The following QTMAN variants were observed in gnomAD, a reference collection of about 807,000 sequenced individuals.
The protein encoded by QTMAN is queuosine-tRNA mannosyltransferase, also known as tRNA-queuosine alpha-mannosyltransferase.
chr2:144,221,780 TA>T, the QTMAN span, among the ~76,000 whole-genome samples: 1 of 152,226 alleles, frequency 6.6e-6, no homozygotes, highest in African/African-American at 2.4e-5. Context: ...GAAATTCATT[TA>T]AAAACTAATC....
the QTMAN span, among the ~76,000 whole-genome samples, chr2:144,265,553 C>G: frequency 1.3e-5 from 2 of 151,838 alleles, no homozygotes; most frequent in African/African-American, 4.8e-5. Context: ...AAAAATTAGC[C>G]GGGGGTGGTG....
the QTMAN span, among the ~76,000 whole-genome samples, chr2:144,012,434 T>C: frequency 6.6e-6 from 1 of 152,192 alleles, no homozygotes; most frequent in East Asian, 1.9e-4. Context: ...AGAAGTGCTC[T>C]GGGCACCTTA....
At chr2:144,194,844 G>T in the QTMAN span, among the ~76,000 whole-genome samples, 1 of 152,136 alleles carries the variant, frequency 6.6e-6, no homozygotes, top group African/African-American at 2.4e-5. Flanking sequence ...TACTCTATTA[G>T]AAGAAAGACT....
At chr2:144,162,614 A>G in the QTMAN span, among the ~76,000 whole-genome samples, 47 of 152,296 alleles carry the variant, frequency 3.1e-4, 1 homozygote, top group East Asian at 7.5e-3. Flanking sequence ...GGCAGTTGAA[A>G]GGTGAGGAGA....
the QTMAN span, among the ~76,000 whole-genome samples, chr2:144,331,796 C>G: frequency 6.6e-6 from 1 of 152,102 alleles, no homozygotes; most frequent in Non-Finnish European, 1.5e-5. Flanking sequence ...AATCCTCAGA[C>G]GAGGGATTCC....
the QTMAN span, among the ~76,000 whole-genome samples, chr2:144,209,547 G>A: frequency 6.6e-6 from 1 of 152,142 alleles, no homozygotes; most frequent in South Asian, 2.1e-4. Context: ...CCTTTCTTTA[G>A]ACAAGCAACC....
At chr2:144,082,890 G>GCACACA in the QTMAN span, among the ~76,000 whole-genome samples, 13 of 148,272 alleles carry the variant, frequency 8.8e-5, no homozygotes, top group Admixed American at 3.4e-4. Flanking sequence ...AAATACACAC[G>GCACACA]CACACACACA....
chr2:144,324,248 A>C, the QTMAN span, among the ~76,000 whole-genome samples: 1 of 152,224 alleles, frequency 6.6e-6, no homozygotes, highest in African/African-American at 2.4e-5. Context: ...CAAGAGTCTT[A>C]TACAGTTTTA....
At chr2:144,231,843 G>GGGGTGTGT in the QTMAN span, among the ~76,000 whole-genome samples, 2 of 138,340 alleles carry the variant, frequency 1.4e-5, no homozygotes, top group East Asian at 4.2e-4. Context: ...GAATGAAAGA[G>GGGGTGTGT]GTGTGTGTGT....
chr2:144,116,187 A>T, the QTMAN span, among the ~76,000 whole-genome samples: 10 of 150,744 alleles, frequency 6.6e-5, no homozygotes, highest in East Asian at 5.8e-4. Context: ...TAGTAAATTT[A>T]AAAAAAAATC....
the QTMAN span, among the ~76,000 whole-genome samples, chr2:144,141,290 C>A: frequency 6.6e-6 from 1 of 151,576 alleles, no homozygotes; most frequent in South Asian, 2.1e-4. Context: ...TCATCCATTG[C>A]TAATTCAAGG....
chr2:144,295,563 G>A, the QTMAN span, among the ~76,000 whole-genome samples: 1 of 152,098 alleles, frequency 6.6e-6, no homozygotes, highest in African/African-American at 2.4e-5. Context: ...CATCCTAGAG[G>A]ATGAGAACAA....
At chr2:144,175,963 C>T in the QTMAN span, among the ~76,000 whole-genome samples, 1 of 152,052 alleles carries the variant, frequency 6.6e-6, no homozygotes, top group African/African-American at 2.4e-5. Flanking sequence ...CCATGCTCGG[C>T]CTAGATAAGT....
chr2:144,084,777 A>T, the QTMAN span, among the ~76,000 whole-genome samples: 2 of 149,718 alleles, frequency 1.3e-5, no homozygotes, highest in Admixed American at 6.6e-5. Flanking sequence ...TATTTTCTAG[A>T]TGGGACATAA....
At chr2:144,316,951 T>C in the QTMAN span, among the ~76,000 whole-genome samples, 1 of 152,236 alleles carries the variant, frequency 6.6e-6, no homozygotes, top group African/African-American at 2.4e-5. Flanking sequence ...GAAATTGGGA[T>C]AGTTGCACCT....
chr2:144,135,035 T>C, the QTMAN span, among the ~76,000 whole-genome samples: 1 of 152,204 alleles, frequency 6.6e-6, no homozygotes, highest in Non-Finnish European at 1.5e-5. Context: ...GAATATGATT[T>C]GAAGAAGATG....
chr2:144,235,102 T>C, the QTMAN span, among the ~76,000 whole-genome samples: 1 of 152,188 alleles, frequency 6.6e-6, no homozygotes, highest in Non-Finnish European at 1.5e-5. Context: ...TATTACTGCA[T>C]GGGACACTGA....
At chr2:144,082,259 G>C in the QTMAN span, among the ~76,000 whole-genome samples, 181 of 152,222 alleles carry the variant, frequency 1.2e-3, 2 homozygotes, top group African/African-American at 4.1e-3. Flanking sequence ...CTTTATGGAA[G>C]AAGACTTACA....
chr2:144,000,444 T>C, the QTMAN span, among the ~76,000 whole-genome samples: 6 of 152,012 alleles, frequency 3.9e-5, no homozygotes, highest in Admixed American at 1.3e-4. Context: ...AGAAAACTTA[T>C]CACCAAATTG....
Sources: gnomAD v4.1 joint callset for allele counts (sites outside exome capture counted in the v4.1 genomes callset) on GRCh38, gnomAD v4.1.1 for gene constraint, MANE v1.5 for transcripts, NCBI Gene and HGNC (gene_info 2026-07-23, HGNC 2026-07-21) for gene names.